Variants in FAT4 observed in about 807,000 individuals in gnomAD.
FAT4 encodes the protein protocadherin Fat 4.
FAT4 carries 84 observed loss-of-function variants against 303.9 expected under a neutral mutation model. That is an observed-to-expected ratio of 0.28 (90% confidence interval 0.23 to 0.33). The LOEUF is 0.33. Among genes scored for constraint, FAT4 ranks in the 10% least tolerant of loss-of-function variants. FAT4 has a pLI of 1.00. For missense variants in FAT4, 6,005 were observed against 6,146.8 expected (o/e 0.98, Z 0.77); for synonymous variants, 2,307 against 2,298.8 (o/e 1.00, Z -0.10).
intron 2 of FAT4, among the ~76,000 whole-genome samples, chr4:125,338,185 A>G (rs1032515534): frequency 1.3e-5 from 2 of 152,084 alleles, no homozygotes; most frequent in African/African-American, 4.8e-5. Flanking sequence ...CCTCCTTAGG[A>G]TTTCTGGTTT....
intron 10 of FAT4, among the ~76,000 whole-genome samples, chr4:125,457,850 C>T (rs7340826): frequency 2.0e-5 from 3 of 151,926 alleles, no homozygotes; most frequent in African/African-American, 2.4e-5. Context: ...AAACTTTAGC[C>T]TAATAACGAC....
Position 125,490,074 on chromosome 4 carries a change from C to A in FAT4, c.13258C>A (p.Gln4420Lys). 6.2e-7 allele frequency: 1 copy of A among 1,613,984 alleles called. No individual in the cohort carries two copies. The highest frequency in any genetic ancestry group is 1.6e-4 in the Middle Eastern group (1 of 6,062). Reference sequence around the variant, plus strand: ...CTGGGGTGATTTGCTGTGCATTAATCAGTGGTATGCCTACAGGTGTGTCCC... The same window carrying A: ...CTGGGGTGATTTGCTGTGCATTAATAAGTGGTATGCCTACAGGTGTGTCCC... Reference protein sequence around the residue: ...PCWGDLLCINQWYAYRCVPPG... With the variant: ...PCWGDLLCINKWYAYRCVPPG... Residue 4420 changes from glutamine to lysine, a missense_variant, in exon 18 of 18, where the codon CAG becomes AAG. Transcript: ENST00000394329.
chr4:125,473,237 C>T (rs922210229), intron 12 of FAT4, among the ~76,000 whole-genome samples: 19 of 151,918 alleles, frequency 1.3e-4, no homozygotes, highest in African/African-American at 4.6e-4. Flanking sequence ...CAACACAACC[C>T]ACATATAACC....
At chr4:125,445,449 T>G (rs1056508672) in intron 8 of FAT4, among the ~76,000 whole-genome samples, 2 of 152,132 alleles carry the variant, frequency 1.3e-5, no homozygotes, top group African/African-American at 4.8e-5. Context: ...TTTGTTGGTA[T>G]AAAAGAAGAA....
At chr4:125,443,624 G>T (rs1318723605) in intron 8 of FAT4, among the ~76,000 whole-genome samples, 1 of 152,148 alleles carries the variant, frequency 6.6e-6, no homozygotes, top group Non-Finnish European at 1.5e-5. Context: ...TTAAATAAGA[G>T]CATATATAAA....
intron 2 of FAT4, among the ~76,000 whole-genome samples, chr4:125,348,435 A>T (rs1189971858): frequency 6.6e-6 from 1 of 151,682 alleles, no homozygotes. Flanking sequence ...TGTCCTGCTC[A>T]TCAGTGTATC....
chr4:125,365,744 A>T (rs1020325713), intron 2 of FAT4, among the ~76,000 whole-genome samples: 22 of 152,326 alleles, frequency 1.4e-4, no homozygotes, highest in Admixed American at 3.3e-4. Flanking sequence ...TAAAACTAGT[A>T]TGGGAAACAG....
At chr4:125,389,589 G>T (rs1733901122) in intron 2 of FAT4, among the ~76,000 whole-genome samples, 1 of 152,182 alleles carries the variant, frequency 6.6e-6, no homozygotes, top group African/African-American at 2.4e-5. Context: ...GCAGGTGGTA[G>T]TGGTCCTATT....
chr4:125,398,693 T>A, intron 2 of FAT4, 91 bp from the exon 3 acceptor site: 1 of 1,305,510 alleles, frequency 7.7e-7, no homozygotes, highest in Non-Finnish European at 1.1e-6. Context: ...ATTTTGGCAG[T>A]CTTGATTGCG....
In FAT4 at chr4:125,408,312, C is replaced by T. The variant is rs1006805666; in HGVS notation, c.5570-132C>T. On this transcript the variant is annotated intron_variant, in intron 4 of 17. Transcript: ENST00000394329. ...CAAAATCTGCAGAATGTTATGTTCA[C>T]TGTATTTTCATAGCGGTTTTCAGTT... 6 of 568,508 alleles carry T rather than the reference C, an allele frequency of 1.1e-5. No individual in the cohort carries two copies. In the African/African-American group the frequency reaches 1.2e-4, roughly 11 times the overall value. 35.2% of individuals were successfully genotyped at this position (568,508 alleles called of 1,614,324 possible). A position where few individuals can be genotyped will look rare whatever the true frequency, so the allele number is the denominator to read the frequency against.
chr4:125,440,421 G>A (rs1232717173), intron 8 of FAT4, among the ~76,000 whole-genome samples: 1 of 151,702 alleles, frequency 6.6e-6, no homozygotes, highest in Non-Finnish European at 1.5e-5. Flanking sequence ...CTACAGGCCA[G>A]GCCATCTTTT....
chr4:125,331,879 A>C (rs1213614081), intron 2 of FAT4, among the ~76,000 whole-genome samples: 1 of 152,058 alleles, frequency 6.6e-6, no homozygotes, highest in Non-Finnish European at 1.5e-5. Flanking sequence ...ACTGCTGGAC[A>C]ATCCCTCTTG....
At chr4:125,448,000 G>T (rs188463919) in intron 9 of FAT4, among the ~76,000 whole-genome samples, 1 of 152,002 alleles carries the variant, frequency 6.6e-6, no homozygotes, top group Non-Finnish European at 1.5e-5. Context: ...CATGATTTTT[G>T]TTGACAAGAT....
chr4:125,451,668 C>G lies in FAT4; in HGVS notation c.10658C>G (p.Thr3553Arg), dbSNP rs1289495808. 1 of 1,614,040 alleles carries G rather than the reference C, an allele frequency of 6.2e-7. No individual in the cohort carries two copies. The highest frequency in any genetic ancestry group is 1.3e-5 in the African/African-American group (1 of 74,908). The change falls in exon 10 of 18, where the codon ACA (threonine) becomes AGA (arginine). Residue 3553 changes from threonine (T) to arginine (R), a missense_variant. Physicochemically the swap from Thr to Arg is moderately conservative, Grantham distance 71. Transcript: ENST00000394329. ...QGPFTYYLLS[T>R]GPATSYFSLS... ...CCCTTTACTTATTACTTGCTGAGCA[C>G]AGGTCCTGCCACCAGTTATTTCAGT... is the stretch of plus-strand genomic sequence containing the variant.
chr4:125,434,552 T>C, intron 8 of FAT4, 127 bp downstream of exon 8: 2 of 698,044 alleles, frequency 2.9e-6, no homozygotes, highest in Non-Finnish European at 4.6e-6. Context: ...TGTTATCCAT[T>C]GCTGATAGCC....
rs1730919508 is a variant in FAT4 at position 125,321,058 on chromosome 4, A to G, written c.4647A>G (p.Thr1549=). ...CTGTGATTGGTTCCGTTCTGACAAC[A>G]ATTATGGCTGCTGACCCAGATGAAG... The part of the protein sequence containing the change: ...PSAVIGSVLT[T]IMAADPDEGA... The change falls in exon 2 of 18, where the codon ACA becomes ACG. Residue 1549 remains threonine, a synonymous_variant. Coordinates refer to ENST00000394329, the MANE Select transcript of FAT4 (RefSeq NM_001291303.3). 1.2e-6 allele frequency: 2 copies of G among 1,614,180 alleles called. No homozygotes were observed. The highest frequency in any genetic ancestry group is 1.7e-6 in the Non-Finnish European group (2 of 1,180,020).
intron 7 of FAT4, among the ~76,000 whole-genome samples, chr4:125,431,738 C>A (rs1725290052): frequency 6.6e-6 from 1 of 152,072 alleles, no homozygotes; most frequent in Non-Finnish European, 1.5e-5. Flanking sequence ...AACCCTGCAT[C>A]TCCTCCCATC....
chr4:125,408,677 C>G lies in FAT4; in HGVS notation c.5803C>G (p.Leu1935Val), dbSNP rs1164829267. The G allele has an allele frequency of 4.4e-6, 7 of 1,608,832 alleles. No homozygotes were observed. The African/African-American group carries it at 9.4e-5, about 22-fold the overall frequency. Reference protein sequence around the residue: ...FTTIRVYFNILDVNDNPPIFS... With the variant: ...FTTIRVYFNIVDVNDNPPIFS... ...TACCATCAGAGTTTATTTCAATATT[C>G]TAGATGTAAATGATAATCCACCTAT... The change falls in exon 5 of 18, where the codon CTA becomes GTA. Residue 1935 changes from leucine to valine, a missense_variant. Transcript: ENST00000394329.
At position 125,448,745 on chromosome 4, in the gene FAT4, C is replaced by T; in HGVS notation, c.7735C>T (p.Pro2579Ser). Reference sequence around the variant, plus strand: ...AGCCAAAGAACAAACGTTCATGTTTCCTGAAAACCAACCAGTCAGCTCTCT... The same window carrying T: ...AGCCAAAGAACAAACGTTCATGTTTTCTGAAAACCAACCAGTCAGCTCTCT... ...VRAKEQTFMF[P>S]ENQPVSSLVT... The change falls in exon 10 of 18, where the codon CCT becomes TCT. Residue 2579 changes from proline (P) to serine (S), a missense_variant. By Grantham distance (74) the Pro-to-Ser change is moderately conservative. Transcript: ENST00000394329. 6.2e-7 allele frequency: 1 copy of T among 1,613,378 alleles called. No homozygotes were observed.
Sources: gnomAD v4.1 joint callset for allele counts (sites outside exome capture counted in the v4.1 genomes callset) on GRCh38, gnomAD v4.1.1 for gene constraint, MANE v1.5 for transcripts, NCBI Gene and HGNC (gene_info 2026-07-23, HGNC 2026-07-21) for gene names.